GPHN: variants seen among roughly 807,000 people sequenced by gnomAD.
GPHN encodes the protein gephyrin.
A neutral mutation model predicts 95.5 loss-of-function variants in GPHN; 17 were observed. The ratio of observed to expected loss-of-function variants is 0.18; its 90% CI spans 0.12 to 0.27. The LOEUF (loss-of-function observed/expected upper bound fraction) is 0.27, where lower values mean the gene tolerates loss of function less well. Among genes scored for constraint, GPHN ranks in the 10% least tolerant of loss-of-function variants. The probability of loss-of-function intolerance (pLI) is 1.00; values close to 1 mark genes in which losing one functional copy is unlikely to be tolerated. For missense variants in GPHN, 660 were observed against 978.1 expected, an observed-to-expected ratio of 0.67 and a Z score of 4.34; for synonymous variants, 320 against 322.5, an observed-to-expected ratio of 0.99 and a Z score of 0.08.
intron 3 of GPHN, among the ~76,000 whole-genome samples, chr14:66,816,372 A>G (rs191530084): frequency 1.3e-5 from 2 of 152,324 alleles, no homozygotes; most frequent in Admixed American, 1.3e-4. Context: ...GTCACATGGC[A>G]TATATCCTAA....
At chr14:67,499,912 TG>T in the GPHN span, among the ~76,000 whole-genome samples, 1 of 152,068 alleles carries the variant, frequency 6.6e-6, no homozygotes. Flanking sequence ...TGAAGACACC[TG>T]GGGGCTGCGG....
the GPHN span, among the ~76,000 whole-genome samples, chr14:67,365,733 A>G: frequency 2.0e-5 from 3 of 152,250 alleles, no homozygotes; most frequent in Admixed American, 6.5e-5. Context: ...ATTAGTTACC[A>G]TCATGTCCGA....
In GPHN at chr14:67,181,694, G is replaced by A. The variant is rs2083324992; in HGVS notation, c.*757G>A. 2 of 209,586 alleles carry A rather than the reference G, an allele frequency of 9.5e-6. No homozygotes were observed. Among genetic ancestry groups the A allele is most frequent in the South Asian group, 1.1e-4 (1 of 9,198 alleles). The allele number at this position is 209,586 out of a possible 1,614,324, so 13.0% of individuals were successfully genotyped here. On this transcript the variant is annotated 3_prime_UTR_variant, in exon 23 of 23. Transcript: ENST00000478722. ...TATTAGTGTTACCAGCATTCATGTG[G>A]AAATCAAGAGCAAAGACAAAATAAT... is the stretch of plus-strand genomic sequence containing the variant.
chr14:67,672,122 CA>C, the GPHN span, among the ~76,000 whole-genome samples: 762 of 130,902 alleles, frequency 5.8e-3, 5 homozygotes, highest in Non-Finnish European at 9.3e-3. Flanking sequence ...ATGCAGTCTA[CA>C]TTTTTTTTTT....
chr14:67,339,935 A>G, the GPHN span: 2 of 152,386 alleles, frequency 1.3e-5, no homozygotes, highest in African/African-American at 4.9e-5. Flanking sequence ...CACCATCTCT[A>G]CTAAAAGTAC....
At chr14:66,618,756 G>C (rs951032119) in intron 1 of GPHN, among the ~76,000 whole-genome samples, 1 of 152,120 alleles carries the variant, frequency 6.6e-6, no homozygotes, top group African/African-American at 2.4e-5. Context: ...TTCTGTTGGT[G>C]GTGGGAGGGT....
At chr14:67,237,975 G>T in the GPHN span, among the ~76,000 whole-genome samples, 1 of 140,376 alleles carries the variant, frequency 7.1e-6, no homozygotes, top group Non-Finnish European at 1.5e-5. Context: ...ATATGCAGAG[G>T]CTACCAAATC....
the GPHN span, chr14:67,651,624 A>G: frequency 2.3e-6 from 2 of 859,594 alleles, no homozygotes; most frequent in South Asian, 3.7e-5. Flanking sequence ...AAGTACTCAT[A>G]AGGTTCTTTA....
At chr14:67,387,924 T>C in the GPHN span, among the ~76,000 whole-genome samples, 1 of 152,260 alleles carries the variant, frequency 6.6e-6, no homozygotes, top group Non-Finnish European at 1.5e-5. Flanking sequence ...TAAGGTATGT[T>C]GTTAACCCTA....
intron 1 of GPHN, among the ~76,000 whole-genome samples, chr14:66,613,424 A>T (rs544990609): frequency 7.9e-5 from 12 of 152,208 alleles, no homozygotes; most frequent in Admixed American, 5.9e-4. Flanking sequence ...ATGCATCACA[A>T]CTTGAAAAAC....
the GPHN span, among the ~76,000 whole-genome samples, chr14:67,325,261 C>T: frequency 6.6e-6 from 1 of 152,060 alleles, no homozygotes; most frequent in East Asian, 1.9e-4. Context: ...TCCTCTTCAC[C>T]CTCCAAAATA....
chr14:67,690,609 G>A, the GPHN span: 1 of 589,770 alleles, frequency 1.7e-6, no homozygotes, highest in South Asian at 2.0e-5. Flanking sequence ...AAGACATGAG[G>A]CATCCTTATA....
At chr14:66,592,197 A>C (rs28893318) in intron 1 of GPHN, among the ~76,000 whole-genome samples, 1 of 152,118 alleles carries the variant, frequency 6.6e-6, no homozygotes. Context: ...AACCATAAAA[A>C]CTCTAGAAGA....
the GPHN span, among the ~76,000 whole-genome samples, chr14:67,450,348 G>A: frequency 2.6e-5 from 4 of 152,306 alleles, no homozygotes; most frequent in South Asian, 6.2e-4. Context: ...ATGTGGAAGT[G>A]ACTTTGGAAC....
chr14:66,723,259 A>T (rs2070919793), intron 2 of GPHN, among the ~76,000 whole-genome samples: 1 of 149,946 alleles, frequency 6.7e-6, no homozygotes, highest in South Asian at 2.1e-4. Context: ...ATAACCTTTT[A>T]TGAATATAAT....
chr14:67,660,026 A>T, the GPHN span: 5 of 1,160,512 alleles, frequency 4.3e-6, no homozygotes, highest in Non-Finnish European at 6.0e-6. Flanking sequence ...TTTGGACTAC[A>T]CCAAGTAAAT....
the GPHN span, among the ~76,000 whole-genome samples, chr14:67,635,345 T>C: frequency 6.6e-6 from 1 of 152,218 alleles, no homozygotes; most frequent in Admixed American, 6.5e-5. Flanking sequence ...CAAATGAGTT[T>C]ACCTAAATAA....
intron 9 of GPHN, among the ~76,000 whole-genome samples, chr14:67,005,553 G>A (rs555854468): frequency 1.3e-5 from 2 of 151,942 alleles, no homozygotes; most frequent in East Asian, 3.9e-4. Context: ...TGATGTCAGA[G>A]TATTTTATAA....
chr14:67,323,240 T>TGTGTGC, the GPHN span, among the ~76,000 whole-genome samples: 1 of 139,252 alleles, frequency 7.2e-6, no homozygotes, highest in African/African-American at 2.9e-5. Context: ...CACGTGTGTG[T>TGTGTGC]GTGTGTGTGT....
Sources: gnomAD v4.1 joint callset for allele counts (sites outside exome capture counted in the v4.1 genomes callset) on GRCh38, gnomAD v4.1.1 for gene constraint, MANE v1.5 for transcripts, NCBI Gene and HGNC (gene_info 2026-07-23, HGNC 2026-07-21) for gene names.